The following MYRFL variants were observed in gnomAD, a reference collection of about 807,000 sequenced individuals.
The protein encoded by MYRFL is myelin regulatory factor like.
Under a neutral mutation model 109.4 loss-of-function variants are expected in MYRFL, and 88 were observed. The ratio of observed to expected loss-of-function variants is 0.80; its 90% confidence interval spans 0.68 to 0.96. The LOEUF is 0.96. Ranked by LOEUF, MYRFL falls within the 40% of genes least tolerant of loss-of-function variation. The pLI is 0.00. For synonymous variants in MYRFL, 324 were observed against 320.9 expected (o/e 1.01, Z -0.10); for missense variants, 957 against 954.9 (o/e 1.00, Z -0.03).
rs570695944 is a variant in MYRFL, at chr12:69,895,437, A to T, written c.1047A>T (p.Thr349=). Residue 349 remains threonine, a synonymous_variant, in exon 9 of 25, where the codon ACA becomes ACT. Coordinates refer to ENST00000552032, the MANE Select transcript of MYRFL (RefSeq NM_182530.3). ...TLGRLHFSET[T]ANNMRKKGKP... is the part of the protein sequence containing the mutation. ...GACGATTACACTTCAGCGAAACCAC[A>T]GCAAATAATATGAGAAAAAAGGGAA... 2.3e-5 allele frequency: 36 copies of T among 1,535,670 alleles called. 1 individual carries two copies. The African/African-American group carries it at 4.7e-4, about 20-fold the overall frequency.
At chr12:69,841,948 T>C (rs1315250004) in intron 1 of MYRFL, among the ~76,000 whole-genome samples, 1 of 152,206 alleles carries the variant, frequency 6.6e-6, no homozygotes, top group Non-Finnish European at 1.5e-5. Context: ...TAGATGCTTG[T>C]ATTAGCCTCA....
At chr12:69,949,925 C>T (rs570495201) in intron 19 of MYRFL, among the ~76,000 whole-genome samples, 22 of 152,164 alleles carry the variant, frequency 1.4e-4, no homozygotes, top group Non-Finnish European at 1.3e-4. Flanking sequence ...GCTTATCTGT[C>T]AAGCGGGGAT....
chr12:69,887,319 C>T (rs569136443), intron 6 of MYRFL, among the ~76,000 whole-genome samples: 2 of 152,142 alleles, frequency 1.3e-5, no homozygotes, highest in Admixed American at 6.5e-5. Context: ...ACTTATAATG[C>T]CATAAAATAC....
chr12:69,885,035 A>T (rs952561692), intron 5 of MYRFL, among the ~76,000 whole-genome samples: 9 of 152,220 alleles, frequency 5.9e-5, no homozygotes, highest in African/African-American at 2.2e-4. Context: ...AGAGGAAGAA[A>T]AAAAAGGAAG....
intron 2 of MYRFL, among the ~76,000 whole-genome samples, chr12:69,856,945 C>G (rs1884329270): frequency 6.6e-6 from 1 of 151,820 alleles, no homozygotes; most frequent in Non-Finnish European, 1.5e-5. Flanking sequence ...CGGTTTATAG[C>G]TAAGAAGTAT....
chr12:69,833,754 A>T (rs1043508407), intron 1 of MYRFL, among the ~76,000 whole-genome samples: 4 of 151,502 alleles, frequency 2.6e-5, no homozygotes, highest in African/African-American at 9.7e-5. Flanking sequence ...ATTGTCTTCT[A>T]ATCAGGTCAC....
intron 2 of MYRFL, among the ~76,000 whole-genome samples, chr12:69,875,834 A>G (rs1885630197): frequency 6.6e-6 from 1 of 152,166 alleles, no homozygotes; most frequent in African/African-American, 2.4e-5. Flanking sequence ...TAGTGCCAAA[A>G]AGGTTGGGGA....
At chr12:69,874,556 T>C (rs1240219) in intron 2 of MYRFL, among the ~76,000 whole-genome samples, 110,562 of 152,164 alleles carry the variant, frequency 0.73, 41,318 homozygotes, top group Non-Finnish European at 0.83. Context: ...TCATACCTTT[T>C]CATAGTTTCA....
At chr12:69,927,433 A>G (rs1183813544) in intron 14 of MYRFL, among the ~76,000 whole-genome samples, 1 of 151,662 alleles carries the variant, frequency 6.6e-6, no homozygotes, top group East Asian at 1.9e-4. Flanking sequence ...TTAATTGCTT[A>G]AGAAGGTTAA....
chr12:69,899,774 G>A lies in MYRFL; in HGVS notation c.1182+2528G>A, dbSNP rs754960305. ...TGCTTGGAGAGAGAATGGTGGGCAG[G>A]ACCCAGTAATTATTCATCTGGGTTG... On this transcript the variant is annotated intron_variant, in intron 10 of 24. Transcript: ENST00000552032. Among the ~76,000 whole-genome samples, 27 of 152,078 alleles carry A rather than the reference G, an allele frequency of 1.8e-4. 1 individual carries two copies. Among genetic ancestry groups the A allele is most frequent in the Non-Finnish European group, 3.2e-4 (22 of 68,014 alleles).
chr12:69,878,833 G>A (rs77321893), intron 2 of MYRFL, among the ~76,000 whole-genome samples, 195 bp from the exon 3 acceptor site: 7,556 of 152,114 alleles, frequency 0.05, 179 homozygotes, highest in South Asian at 0.075. Context: ...GGGACCCAAA[G>A]CCCACTCACT....
chr12:69,888,154 T>C (rs1053422298), intron 6 of MYRFL, among the ~76,000 whole-genome samples: 6 of 152,120 alleles, frequency 3.9e-5, no homozygotes, highest in Non-Finnish European at 7.4e-5. Flanking sequence ...GCTCCAATAA[T>C]CTAGAAAAAT....
At chr12:69,855,398 T>G in intron 2 of MYRFL, 28 bp downstream of exon 2, 2 of 700,670 alleles carry the variant, frequency 2.9e-6, no homozygotes, top group East Asian at 5.4e-5. Context: ...TGCTCTCTAG[T>G]TGATGTTTAA....
At chr12:69,830,145 T>C (rs1209059857) in intron 1 of MYRFL, among the ~76,000 whole-genome samples, 1 of 151,976 alleles carries the variant, frequency 6.6e-6, no homozygotes, top group Non-Finnish European at 1.5e-5. Flanking sequence ...ATTGAAACTG[T>C]CTGGATCAAA....
chr12:69,918,957 A>C lies in MYRFL; in HGVS notation c.1603-7614A>C, dbSNP rs1176534369. 7.2e-5 allele frequency among the ~76,000 whole-genome samples: 11 copies of C among 152,336 alleles called. No individual in the cohort carries two copies. In the East Asian group the frequency reaches 2.1e-3, roughly 29 times the overall value. ...CCTTGTTAGCTTCCTTCCTAGTGCT[A>C]ATTACACCTTTGAACTGTATTATTT... is the stretch of plus-strand genomic sequence containing the variant. On this transcript the variant is annotated intron_variant, in intron 13 of 24. Coordinates refer to ENST00000552032, the MANE Select transcript of MYRFL (RefSeq NM_182530.3).
intron 13 of MYRFL, among the ~76,000 whole-genome samples, chr12:69,925,040 C>T (rs1476003405): frequency 3.9e-5 from 6 of 152,152 alleles, no homozygotes; most frequent in African/African-American, 1.4e-4. Flanking sequence ...GGGAGACAGA[C>T]ATATAACACC....
rs553944168 is a variant in MYRFL, at chr12:69,940,337, G to T, written c.2224+3705G>T. Reference sequence around the variant, plus strand: ...GTTACCCTCAAAGGGAAGCCCATCAGACTAACAGCGGATCTCTCGGCAGAA... The same window carrying T: ...GTTACCCTCAAAGGGAAGCCCATCATACTAACAGCGGATCTCTCGGCAGAA... On this transcript the variant is annotated intron_variant, in intron 19 of 24. Transcript: ENST00000552032. Among the ~76,000 whole-genome samples, 255 of 151,188 alleles carry T rather than the reference G, an allele frequency of 1.7e-3. 2 individuals are homozygous for T. Among genetic ancestry groups the T allele is most frequent in the African/African-American group, 5.9e-3 (244 of 41,206 alleles).
At chr12:69,827,086 T>TTCATGTCATGCTCCTATTGATA (rs1882327572) in intron 1 of MYRFL, among the ~76,000 whole-genome samples, 1 of 152,044 alleles carries the variant, frequency 6.6e-6, no homozygotes, top group South Asian at 2.1e-4. Context: ...AACCAGTTGT[T>TTCATGTCATGCTCCTATTGATA]TCATGTCATG....
At chr12:69,928,807 T>TAAAC (rs1352132007) in intron 15 of MYRFL, among the ~76,000 whole-genome samples, 1 of 152,148 alleles carries the variant, frequency 6.6e-6, no homozygotes, top group East Asian at 1.9e-4. Flanking sequence ...GGTTAGTCAA[T>TAAAC]AAACACAAAA....
Sources: gnomAD v4.1 joint callset for allele counts (sites outside exome capture counted in the v4.1 genomes callset) on GRCh38, gnomAD v4.1.1 for gene constraint, MANE v1.5 for transcripts, NCBI Gene and HGNC (gene_info 2026-07-23, HGNC 2026-07-21) for gene names.